PTPRN2: variants seen among roughly 807,000 people sequenced by gnomAD.
PTPRN2 encodes the protein receptor-type tyrosine-protein phosphatase N2.
In PTPRN2, 74 loss-of-function variants were observed where a neutral mutation model predicts 118.8. That is an observed-to-expected ratio of 0.62 (90% CI 0.52 to 0.76). PTPRN2 has a LOEUF of 0.76. PTPRN2 is among the 30% of genes least tolerant of loss of function. The pLI is 0.00. For synonymous variants in PTPRN2, 641 were observed against 608.0 expected (o/e 1.05, Z -0.80); for missense variants, 1,481 against 1,394.4 (o/e 1.06, Z -0.99).
intron 3 of PTPRN2, among the ~76,000 whole-genome samples, chr7:158,310,200 T>C (rs930152832): frequency 6.6e-6 from 1 of 152,122 alleles, no homozygotes; most frequent in Non-Finnish European, 1.5e-5. Flanking sequence ...CAACTTTGGG[T>C]CTGGGAAACT....
intron 3 of PTPRN2, among the ~76,000 whole-genome samples, chr7:158,225,014 G>A (rs578039453): frequency 1.3e-4 from 20 of 152,242 alleles, no homozygotes; most frequent in Non-Finnish European, 2.5e-4. Flanking sequence ...CCCACAATGA[G>A]ATGCCACCAC....
rs573222492 is a variant in PTPRN2, at chr7:158,525,809, TCA to T, written c.113-36026_113-36025del. ...CCACAGCCACCTCTCTCTGCTGTGC[TCA>T]CACAGTGTGGAAGCTCCCGCTTCAG... On this transcript the variant is annotated intron_variant, in intron 1 of 22. Coordinates refer to ENST00000389418, the MANE Select transcript of PTPRN2 (RefSeq NM_002847.5). The surrounding 1 kb of genome is among the most constrained non-coding windows in gnomAD (Gnocchi z 4.1). 8.2e-4 allele frequency among the ~76,000 whole-genome samples: 125 copies of T among 152,264 alleles called. 1 individual carries two copies. The East Asian group carries it at 0.022, about 27-fold the overall frequency.
intron 12 of PTPRN2, among the ~76,000 whole-genome samples, chr7:157,859,937 A>C (rs1810092814): frequency 7.4e-6 from 1 of 134,838 alleles, no homozygotes; most frequent in Admixed American, 7.3e-5. Context: ...ACACTCCTGC[A>C]GGGAGAGCCC....
At chr7:158,334,574 A>G (rs11984099) in intron 2 of PTPRN2, among the ~76,000 whole-genome samples, 78,170 of 85,254 alleles carry the variant, frequency 0.92, 35,600 homozygotes, top group African/African-American at 0.93. Context: ...GCTCTCGCCC[A>G]CAGAGGTCAC....
chr7:157,672,496 C>T (rs1178511724), intron 13 of PTPRN2, among the ~76,000 whole-genome samples: 4 of 152,146 alleles, frequency 2.6e-5, no homozygotes, highest in East Asian at 1.9e-4. Context: ...CAGGAACATC[C>T]GATCTCTGGT....
At chr7:158,197,157 C>G (rs1826273662) in intron 4 of PTPRN2, among the ~76,000 whole-genome samples, 1 of 152,216 alleles carries the variant, frequency 6.6e-6, no homozygotes, top group Admixed American at 6.5e-5. Flanking sequence ...ACCCAACAGC[C>G]TGAGGGAGGT....
chr7:158,124,532 C>G (rs1817453426), intron 9 of PTPRN2, among the ~76,000 whole-genome samples: 1 of 152,226 alleles, frequency 6.6e-6, no homozygotes, highest in Non-Finnish European at 1.5e-5. Context: ...ATTAATAGGC[C>G]ATGGCCAATG....
At chr7:158,541,804 C>T (rs539137654) in intron 1 of PTPRN2, 3 of 931,542 alleles carry the variant, frequency 3.2e-6, no homozygotes, top group Non-Finnish European at 3.8e-6. Context: ...GGGCCAAGGC[C>T]GCTGGGGAAG....
intron 3 of PTPRN2, among the ~76,000 whole-genome samples, chr7:158,251,399 G>A (rs1159024837): frequency 6.6e-6 from 1 of 152,292 alleles, no homozygotes; most frequent in South Asian, 2.1e-4. Flanking sequence ...GATGTATACA[G>A]TGCATGTGGG....
intron 12 of PTPRN2, among the ~76,000 whole-genome samples, chr7:157,693,835 G>A (rs1173729677): frequency 6.6e-6 from 1 of 152,144 alleles, no homozygotes; most frequent in Non-Finnish European, 1.5e-5. Flanking sequence ...GCAGGCGGCC[G>A]GGAGCTCTCC....
rs1803555192 is a variant in PTPRN2, at chr7:157,779,646, C to G, written c.1789-96709G>C. 6.6e-6 allele frequency among the ~76,000 whole-genome samples: 1 copy of G among 152,184 alleles called. No homozygotes were observed. The highest frequency in any genetic ancestry group is 2.4e-5 in the African/African-American group (1 of 41,444). On this transcript the variant is annotated intron_variant, in intron 12 of 22. Transcript: ENST00000389418. This position sits in a 1 kb window ranked among gnomAD's most constrained non-coding sequence, Gnocchi z 4.7. ...TGCAGGAGTCTCCGAAGCACAAAGG[C>G]TGACCCTAGACTCTGGCCAGGACGA...
intron 6 of PTPRN2, among the ~76,000 whole-genome samples, chr7:158,162,075 T>C (rs934995180): frequency 6.6e-6 from 1 of 151,934 alleles, no homozygotes; most frequent in Non-Finnish European, 1.5e-5. Context: ...ACCCAGAACA[T>C]TGACAACACC....
chr7:158,354,002 G>A (rs888905620), intron 2 of PTPRN2, among the ~76,000 whole-genome samples: 8 of 152,202 alleles, frequency 5.3e-5, no homozygotes, highest in Admixed American at 4.6e-4. Flanking sequence ...AATCAGAGTG[G>A]CCACTCGCAG....
chr7:157,659,628 C>G (rs1197535509), intron 13 of PTPRN2, among the ~76,000 whole-genome samples: 2 of 151,906 alleles, frequency 1.3e-5, no homozygotes, highest in Admixed American at 6.6e-5. Flanking sequence ...AGTTTATAGA[C>G]AGTTTTAAAA....
chr7:158,333,782 A>C (rs12539943), intron 2 of PTPRN2, among the ~76,000 whole-genome samples: 3,417 of 45,648 alleles, frequency 0.075, 11 homozygotes, highest in South Asian at 0.14. Context: ...TCACTCACAC[A>C]CACACTCTCA....
At chr7:158,256,716 G>A (rs1797048456) in intron 3 of PTPRN2, among the ~76,000 whole-genome samples, 2 of 152,086 alleles carry the variant, frequency 1.3e-5, no homozygotes, top group Admixed American at 1.3e-4. Flanking sequence ...GAGAGCAATA[G>A]AATTTGCCCG....
chr7:158,016,631 T>C (rs1806478761), intron 11 of PTPRN2, among the ~76,000 whole-genome samples: 1 of 152,210 alleles, frequency 6.6e-6, no homozygotes, highest in Admixed American at 6.5e-5. Flanking sequence ...TGGAGTCAGT[T>C]CCGTGAAACA....
At chr7:158,145,257 A>C (rs1036302227) in intron 6 of PTPRN2, among the ~76,000 whole-genome samples, 1 of 145,232 alleles carries the variant, frequency 6.9e-6, no homozygotes, top group African/African-American at 2.6e-5. Context: ...GCTTGGCAAG[A>C]CTTCCCTCAC....
chr7:157,720,631 G>A (rs181610209), intron 12 of PTPRN2, among the ~76,000 whole-genome samples: 2 of 152,364 alleles, frequency 1.3e-5, no homozygotes, highest in African/African-American at 2.4e-5. Context: ...GCTTCCACGA[G>A]CTACCTCTTC....
Sources: gnomAD v4.1 joint callset for allele counts (sites outside exome capture counted in the v4.1 genomes callset) on GRCh38, gnomAD v4.1.1 for gene constraint, Gnocchi (gnomAD v3.1) non-coding constraint, MANE v1.5 for transcripts, NCBI Gene and HGNC (gene_info 2026-07-23, HGNC 2026-07-21) for gene names.